RYR2: variants seen among roughly 807,000 people sequenced by gnomAD.
RYR2 encodes ryanodine receptor 2.
A neutral mutation model predicts 601.1 loss-of-function variants in RYR2; 227 were observed. That is an observed-to-expected ratio of 0.38 (90% CI 0.34 to 0.42). The LOEUF is 0.42. RYR2 is among the 10% of genes least tolerant of loss of function. The pLI, the probability that RYR2 is intolerant of heterozygous loss-of-function variation, is 1.00. For synonymous variants in RYR2, 2,223 were observed against 2,175.1 expected, an observed-to-expected ratio of 1.02 and a Z score of -0.61; for missense variants, 4,646 against 6,156.5, an observed-to-expected ratio of 0.75 and a Z score of 8.21.
chr1:237,814,554 A>ATTT (rs3835531), intron 100 of RYR2, among the ~76,000 whole-genome samples: 28 of 145,698 alleles, frequency 1.9e-4, no homozygotes, highest in African/African-American at 6.3e-4. Context: ...TCACAGGGGG[A>ATTT]TTTTTTTTTT....
At chr1:237,115,220 C>A (rs141237742) in intron 1 of RYR2, among the ~76,000 whole-genome samples, 105 of 138,218 alleles carry the variant, frequency 7.6e-4, no homozygotes, top group Non-Finnish European at 1.5e-3. Context: ...AGAGGCCACG[C>A]CTTCGTGGAA....
intron 48 of RYR2, among the ~76,000 whole-genome samples, chr1:237,645,017 A>T (rs1274551739): frequency 6.6e-6 from 1 of 152,190 alleles, no homozygotes; most frequent in Non-Finnish European, 1.5e-5. Flanking sequence ...CCTGAGTGAA[A>T]GAGCGAAACT....
intron 33 of RYR2, among the ~76,000 whole-genome samples, chr1:237,595,269 C>G (rs1020124035): frequency 2.0e-5 from 3 of 152,046 alleles, no homozygotes; most frequent in African/African-American, 7.2e-5. Context: ...ACTTGTTGAC[C>G]TGTCTTCATT....
intron 1 of RYR2, among the ~76,000 whole-genome samples, chr1:237,244,950 G>C (rs1377634715): frequency 6.6e-6 from 1 of 152,094 alleles, no homozygotes; most frequent in Non-Finnish European, 1.5e-5. Context: ...ATCACTCACT[G>C]TTTTTATGCT....
At chr1:237,635,972 C>A (rs1438100080) in intron 44 of RYR2, among the ~76,000 whole-genome samples, 1 of 152,100 alleles carries the variant, frequency 6.6e-6, no homozygotes, top group Non-Finnish European at 1.5e-5. Flanking sequence ...GCTCCAAAGT[C>A]ACCCTCTTGA....
In RYR2 at chr1:237,781,946, T is replaced by C. The variant is rs113979848; in HGVS notation, c.11962+300T>C. Among the ~76,000 whole-genome samples the C allele has an allele frequency of 4.5e-3, 680 of 152,254 alleles. 2 individuals carry two copies. Among genetic ancestry groups the C allele is most frequent in the Non-Finnish European group, 8.2e-3 (556 of 68,010 alleles). On this transcript the variant is annotated intron_variant, in intron 89 of 104. Coordinates refer to ENST00000366574, the MANE Select transcript of RYR2 (RefSeq NM_001035.3). ...AGTCTATAAAGAATATTTTATTTGT[T>C]AGTGTGTTTGTCCATAATCAGTGGG... is the stretch of plus-strand genomic sequence containing the variant.
chr1:237,058,117 C>A (rs1050152812), intron 1 of RYR2, among the ~76,000 whole-genome samples: 8 of 152,010 alleles, frequency 5.3e-5, no homozygotes, highest in African/African-American at 1.9e-4. Flanking sequence ...GGTTTTTTCT[C>A]ATAGCTGTTA....
Position 237,445,520 on chromosome 1 carries a change from A to T in RYR2, c.1290A>T (p.Ile430=), listed in dbSNP as rs749331298. 6 of 1,613,376 alleles carry T rather than the reference A, an allele frequency of 3.7e-6. No homozygotes were observed. In the South Asian group the frequency reaches 5.5e-5, roughly 15 times the overall value. Residue 430 remains isoleucine (I), a splice_region_variant and synonymous_variant, in exon 14 of 105, where the codon ATA becomes ATT. Coordinates refer to ENST00000366574, the MANE Select transcript of RYR2 (RefSeq NM_001035.3). ...RSTVFLFNRF[I]RGLDALSKKA... ...CAGTCTTCCTTTTCAATAGATTTATAAGGTACTTTTTCTTTTGTAGGCGTA... is the reference window on the plus strand; with the variant it reads ...CAGTCTTCCTTTTCAATAGATTTATTAGGTACTTTTTCTTTTGTAGGCGTA...
intron 24 of RYR2, among the ~76,000 whole-genome samples, chr1:237,524,494 A>C (rs962535487): frequency 2.0e-5 from 3 of 152,206 alleles, no homozygotes; most frequent in Non-Finnish European, 4.4e-5. Context: ...CAACTCTATA[A>C]ATTTAATAAA....
intron 3 of RYR2, among the ~76,000 whole-genome samples, chr1:237,345,449 C>T (rs1698209257): frequency 7.0e-6 from 1 of 143,680 alleles, no homozygotes. Context: ...GAGAGAGACT[C>T]TGCCAAAAAA....
intron 1 of RYR2, among the ~76,000 whole-genome samples, chr1:237,116,269 G>C (rs1350828502): frequency 6.6e-6 from 1 of 152,106 alleles, no homozygotes; most frequent in East Asian, 1.9e-4. Context: ...TATCCAAGGG[G>C]AGCCGAGACA....
chr1:237,152,201 TG>T (rs1352017381), intron 1 of RYR2, among the ~76,000 whole-genome samples: 1 of 152,226 alleles, frequency 6.6e-6, no homozygotes, highest in East Asian at 1.9e-4. Context: ...TTTTTATGGC[TG>T]CATAGTATTC....
intron 62 of RYR2, among the ~76,000 whole-genome samples, chr1:237,682,042 T>G (rs1036681213): frequency 2.0e-5 from 3 of 152,268 alleles, no homozygotes; most frequent in Admixed American, 2.0e-4. Flanking sequence ...CAATGCAAAT[T>G]CTGCTATTTT....
intron 28 of RYR2, among the ~76,000 whole-genome samples, chr1:237,567,172 C>T (rs967022284): frequency 3.3e-5 from 5 of 152,080 alleles, no homozygotes; most frequent in African/African-American, 7.2e-5. Flanking sequence ...TAATCACAAA[C>T]GGTTTTCATT....
chr1:237,099,118 C>A (rs111567070), intron 1 of RYR2, among the ~76,000 whole-genome samples: 95 of 141,960 alleles, frequency 6.7e-4, no homozygotes, highest in African/African-American at 2.8e-3. Flanking sequence ...AAAAAAAAAA[C>A]CCAGGAAATT....
intron 1 of RYR2, among the ~76,000 whole-genome samples, chr1:237,253,332 A>G (rs1197253453): frequency 6.6e-6 from 1 of 152,186 alleles, no homozygotes; most frequent in East Asian, 1.9e-4. Flanking sequence ...TCATGCTGGA[A>G]AAAGGACTTC....
chr1:237,356,181 G>T (rs188950909), intron 4 of RYR2, among the ~76,000 whole-genome samples, 196 bp downstream of exon 4: 1 of 151,854 alleles, frequency 6.6e-6, no homozygotes, highest in Admixed American at 6.6e-5. Flanking sequence ...ATCTGAAATG[G>T]GGCATATTAA....
At chr1:237,752,686 T>C (rs2149250723) in intron 80 of RYR2, among the ~76,000 whole-genome samples, 1 of 152,304 alleles carries the variant, frequency 6.6e-6, no homozygotes, top group Admixed American at 6.5e-5. Context: ...CAAACCAAAT[T>C]ATTAGTACAA....
intron 80 of RYR2, among the ~76,000 whole-genome samples, chr1:237,755,803 T>G (rs1309271402): frequency 1.3e-5 from 2 of 152,196 alleles, no homozygotes; most frequent in Non-Finnish European, 2.9e-5. Flanking sequence ...TTGATTCATA[T>G]CAGCTTTCAA....
Sources: allele counts gnomAD v4.1 joint callset (sites outside exome capture counted in the v4.1 genomes callset), GRCh38; gene constraint gnomAD v4.1.1; transcripts MANE v1.5; gene names NCBI Gene and HGNC (gene_info 2026-07-23, HGNC 2026-07-21).